Variants in LINGO2 observed in about 807,000 individuals in gnomAD.
LINGO2 encodes leucine-rich repeat and immunoglobulin-like domain-containing nogo receptor-interacting protein 2.
A neutral mutation model predicts 30.6 loss-of-function variants in LINGO2; 14 were observed. That is an observed-to-expected ratio of 0.46 (90% CI 0.30 to 0.72). The LOEUF (loss-of-function observed/expected upper bound fraction) is 0.72, where lower values mean the gene tolerates loss of function less well. LINGO2 is among the 30% of genes least tolerant of loss of function. The probability of loss-of-function intolerance (pLI) is 0.07; values close to 1 mark genes in which losing one functional copy is unlikely to be tolerated. For missense variants in LINGO2, 729 were observed against 751.7 expected (o/e 0.97, Z 0.35); for synonymous variants, 317 against 288.5 (o/e 1.10, Z -1.00).
At chr9:28,445,911 C>T (rs1824407327) in intron 2 of LINGO2, among the ~76,000 whole-genome samples, 1 of 152,092 alleles carries the variant, frequency 6.6e-6, no homozygotes, top group Non-Finnish European at 1.5e-5. Context: ...CTAAGGGCAT[C>T]TGAATTCAAA....
the LINGO2 span, among the ~76,000 whole-genome samples, chr9:28,737,748 A>T: frequency 3.8e-4 from 57 of 151,462 alleles, no homozygotes; most frequent in African/African-American, 1.3e-3. Flanking sequence ...GACAAAAATT[A>T]TTTTTTTTTC....
chr9:28,342,731 G>T (rs115818782), intron 3 of LINGO2, among the ~76,000 whole-genome samples: 1 of 152,002 alleles, frequency 6.6e-6, no homozygotes, highest in Admixed American at 6.6e-5. Context: ...ACTTACAAAT[G>T]TAGTTTAAAC....
the LINGO2 span, among the ~76,000 whole-genome samples, chr9:28,902,704 A>C: frequency 1.3e-5 from 2 of 152,152 alleles, no homozygotes; most frequent in Non-Finnish European, 2.9e-5. Context: ...CCAAAACAGT[A>C]CAAAACTAGA....
chr9:28,028,407 A>T (rs1296301254), intron 4 of LINGO2, among the ~76,000 whole-genome samples: 1 of 152,176 alleles, frequency 6.6e-6, no homozygotes, highest in Non-Finnish European at 1.5e-5. Context: ...GTAGGATATT[A>T]CGGACATCTA....
the LINGO2 span, among the ~76,000 whole-genome samples, chr9:28,699,799 C>T: frequency 1.4e-4 from 21 of 151,900 alleles, 1 homozygote; most frequent in African/African-American, 4.8e-4. Flanking sequence ...CTGTCTTATG[C>T]GGTTGAGATG....
the LINGO2 span, among the ~76,000 whole-genome samples, chr9:29,127,800 A>C: frequency 6.6e-6 from 1 of 152,106 alleles, no homozygotes; most frequent in African/African-American, 2.4e-5. Flanking sequence ...CCTGATCCCT[A>C]CATGTGATGC....
At chr9:28,361,277 G>GT (rs1226779868) in intron 3 of LINGO2, among the ~76,000 whole-genome samples, 4 of 152,096 alleles carry the variant, frequency 2.6e-5, no homozygotes, top group Non-Finnish European at 5.9e-5. Flanking sequence ...TTAATTATTA[G>GT]TTATTGTTGT....
At chr9:28,060,168 A>G (rs1040396341) in intron 4 of LINGO2, among the ~76,000 whole-genome samples, 5 of 152,166 alleles carry the variant, frequency 3.3e-5, no homozygotes, top group African/African-American at 7.2e-5. Context: ...CCAAAAGTGG[A>G]TACGTAATTT....
At chr9:28,054,799 T>A (rs529413811) in intron 4 of LINGO2, among the ~76,000 whole-genome samples, 1 of 152,134 alleles carries the variant, frequency 6.6e-6, no homozygotes, top group African/African-American at 2.4e-5. Context: ...TAATTTTTAA[T>A]TTTCAATATT....
At chr9:28,056,734 T>C (rs772282505) in intron 4 of LINGO2, among the ~76,000 whole-genome samples, 19 of 152,196 alleles carry the variant, frequency 1.2e-4, no homozygotes, top group Non-Finnish European at 2.2e-4. Context: ...AGCTTGACTT[T>C]TACTTTCGTC....
chr9:28,536,030 A>C (rs1001376662), intron 1 of LINGO2, among the ~76,000 whole-genome samples: 1 of 152,130 alleles, frequency 6.6e-6, no homozygotes, highest in Non-Finnish European at 1.5e-5. Context: ...TTTTGTTTTT[A>C]ATAATTAGAT....
chr9:28,237,144 A>G (rs1587293351), intron 4 of LINGO2, among the ~76,000 whole-genome samples: 1 of 148,608 alleles, frequency 6.7e-6, no homozygotes, highest in African/African-American at 2.5e-5. Flanking sequence ...TAAATGTAGG[A>G]TTTTTATTAG....
intron 4 of LINGO2, among the ~76,000 whole-genome samples, chr9:28,294,934 T>A (rs1003158959): frequency 1.7e-4 from 26 of 152,158 alleles, no homozygotes; most frequent in African/African-American, 6.0e-4. Context: ...GAATAGTAGC[T>A]TAAAGAGGAA....
chr9:29,144,886 T>C, the LINGO2 span, among the ~76,000 whole-genome samples: 1 of 152,176 alleles, frequency 6.6e-6, no homozygotes, highest in African/African-American at 2.4e-5. Context: ...TGAAAATTAC[T>C]GTGGCTTTTT....
At chr9:27,998,485 A>T (rs548419731) in intron 5 of LINGO2, among the ~76,000 whole-genome samples, 1 of 152,180 alleles carries the variant, frequency 6.6e-6, no homozygotes, top group Non-Finnish European at 1.5e-5. Flanking sequence ...CGTCAGATAT[A>T]TAAGAATTTG....
chr9:28,785,181 T>C, the LINGO2 span, among the ~76,000 whole-genome samples: 4 of 152,318 alleles, frequency 2.6e-5, no homozygotes, highest in Non-Finnish European at 5.9e-5. Flanking sequence ...GAAAGTAGTT[T>C]TGTATTAATA....
the LINGO2 span, among the ~76,000 whole-genome samples, chr9:28,839,020 C>T: frequency 6.6e-6 from 1 of 152,178 alleles, no homozygotes; most frequent in African/African-American, 2.4e-5. Context: ...ACTGCTGGCA[C>T]CAGGGAATGA....
intron 1 of LINGO2, among the ~76,000 whole-genome samples, chr9:28,579,327 T>C (rs1824148087): frequency 6.6e-6 from 1 of 152,080 alleles, no homozygotes; most frequent in Non-Finnish European, 1.5e-5. Flanking sequence ...GATGCCTTTC[T>C]GAGGGAGGGG....
chr9:28,675,186 G>C (rs1829170102), upstream of LINGO2, among the ~76,000 whole-genome samples: 1 of 152,074 alleles, frequency 6.6e-6, no homozygotes, highest in Non-Finnish European at 1.5e-5. Context: ...ATATAACTGA[G>C]GCTTAGAAAG....
Sources: allele counts gnomAD v4.1 joint callset (sites outside exome capture counted in the v4.1 genomes callset), GRCh38; gene constraint gnomAD v4.1.1; transcripts MANE v1.5; gene names NCBI Gene and HGNC (gene_info 2026-07-23, HGNC 2026-07-21).